The following ORC5 variants were observed in gnomAD, a reference collection of about 807,000 sequenced individuals.
The protein encoded by ORC5 is protein phosphatase 1, regulatory subunit 117.
In ORC5, 39 loss-of-function variants were observed where a neutral mutation model predicts 58.8. The observed-to-expected ratio is 0.66, with a 90% CI of 0.51 to 0.87. ORC5 has a LOEUF of 0.87. Ranked by LOEUF, ORC5 falls within the 40% of genes least tolerant of loss-of-function variation. ORC5 has a pLI of 0.00. For synonymous variants in ORC5, 218 were observed against 177.6 expected (o/e 1.23, Z -1.81); for missense variants, 493 against 506.3 (o/e 0.97, Z 0.25).
At chr7:104,176,303 T>C (rs1799320078) in intron 8 of ORC5, among the ~76,000 whole-genome samples, 1 of 152,204 alleles carries the variant, frequency 6.6e-6, no homozygotes, top group Admixed American at 6.5e-5. Context: ...GTGACTTAAA[T>C]GAACCTTTAA....
intron 8 of ORC5, among the ~76,000 whole-genome samples, chr7:104,176,878 TAATAAGGTATAAGGGTTTGACACA>T (rs1345459729): frequency 6.6e-6 from 1 of 152,222 alleles, no homozygotes; most frequent in African/African-American, 2.4e-5. Flanking sequence ...CAAGAGGTTT[TAATAAGGTATAAGGGTTTGACACA>T]GAAGTACAAA....
chr7:104,129,189 T>C lies in ORC5; in HGVS notation c.1263-2296A>G, dbSNP rs1395827756. 3.3e-5 allele frequency among the ~76,000 whole-genome samples: 5 copies of C among 152,306 alleles called. No homozygotes were observed. Among genetic ancestry groups the C allele is most frequent in the Non-Finnish European group, 4.4e-5 (3 of 68,030 alleles). ...TTGTGATGTCTGTAGGACTTCTCTATTTTTTGAGAAATCTGTTTGTTACTA... is the reference window on the plus strand; with the variant it reads ...TTGTGATGTCTGTAGGACTTCTCTACTTTTTGAGAAATCTGTTTGTTACTA... On this transcript the variant is annotated intron_variant, in intron 13 of 13. Transcript: ENST00000297431. The surrounding 1 kb of genome is among the most constrained non-coding windows in gnomAD (Gnocchi z 4.9).
At chr7:104,130,993 G>C (rs1276547730) in intron 13 of ORC5, among the ~76,000 whole-genome samples, 1 of 152,260 alleles carries the variant, frequency 6.6e-6, no homozygotes, top group Non-Finnish European at 1.5e-5. Context: ...ATGTGATTTC[G>C]ATTATAATTC....
intron 13 of ORC5, among the ~76,000 whole-genome samples, chr7:104,135,391 A>C (rs1170013626): frequency 6.6e-6 from 1 of 152,208 alleles, no homozygotes; most frequent in Admixed American, 6.5e-5. Flanking sequence ...AAAACCCTTG[A>C]ATTCATGTTT....
Position 104,195,105 on chromosome 7 carries a change from C to A in ORC5, c.553+38G>T, listed in dbSNP as rs572819365. On this transcript the variant is annotated intron_variant, in intron 5 of 13. Transcript: ENST00000297431. ...CTTTCAAACAACAAAAACTATTCTC[C>A]TGCATATCATTTGCCAAAACAATGT... 8 of 1,023,350 alleles carry A rather than the reference C, an allele frequency of 7.8e-6. No individual in the cohort carries two copies. In the African/African-American group the frequency reaches 1.3e-4, roughly 17 times the overall value. 63.4% of individuals were successfully genotyped at this position (1,023,350 alleles called of 1,614,324 possible). A position where few individuals can be genotyped will look rare whatever the true frequency, so the allele number is the denominator to read the frequency against.
Position 104,160,764 on chromosome 7 carries a change from T to C in ORC5, c.1149+308A>G, listed in dbSNP as rs375369266. ...TTCATTAAATTACAATTCATCAACTTGGTCATCAAGCCACTTGTTTAATTA... is the reference window on the plus strand; with the variant it reads ...TTCATTAAATTACAATTCATCAACTCGGTCATCAAGCCACTTGTTTAATTA... On this transcript the variant is annotated intron_variant, in intron 12 of 13. Transcript: ENST00000297431. Among the ~76,000 whole-genome samples the C allele has an allele frequency of 2.2e-4, 34 of 152,238 alleles. 1 individual carries two copies. Among genetic ancestry groups the C allele is most frequent in the African/African-American group, 8.2e-4 (34 of 41,568 alleles).
At chr7:104,156,342 G>C (rs1426543417) in intron 12 of ORC5, among the ~76,000 whole-genome samples, 1 of 151,688 alleles carries the variant, frequency 6.6e-6, no homozygotes, top group Admixed American at 6.6e-5. Flanking sequence ...TCACTTACTT[G>C]TGAGACTAAT....
chr7:104,156,746 A>T (rs1424279901), intron 12 of ORC5, among the ~76,000 whole-genome samples: 2 of 151,910 alleles, frequency 1.3e-5, no homozygotes, highest in Non-Finnish European at 2.9e-5. Flanking sequence ...AATAAAAAGC[A>T]ATTTACCTCC....
At chr7:104,180,055 A>C (rs1799403010) in intron 8 of ORC5, among the ~76,000 whole-genome samples, 2 of 152,186 alleles carry the variant, frequency 1.3e-5, no homozygotes, top group Non-Finnish European at 2.9e-5. Context: ...ATGTGTCTGA[A>C]TTATTCCATG....
At position 104,128,279 on chromosome 7, in the gene ORC5, C is replaced by T. The variant is rs531819635; in HGVS notation, c.1263-1386G>A. On this transcript the variant is annotated intron_variant, in intron 13 of 13. Transcript: ENST00000297431. ...CTGAAGGTACAGGCATGTGCCAACA[C>T]GCCTGGCTAATTTTTGTAGTTTTAG... Among the ~76,000 whole-genome samples the T allele has an allele frequency of 8.2e-4, 125 of 152,250 alleles. 1 individual carries two copies. Among genetic ancestry groups the T allele is most frequent in the African/African-American group, 2.9e-3 (120 of 41,544 alleles).
rs992002093 is a variant in ORC5, at chr7:104,129,589, C to T, written c.1263-2696G>A. ...AGGGGCAACATAAAAAACTATGCCACACATCCGAAAGATAATTTTGTGCTT... is the reference window on the plus strand; with the variant it reads ...AGGGGCAACATAAAAAACTATGCCATACATCCGAAAGATAATTTTGTGCTT... On this transcript the variant is annotated intron_variant, in intron 13 of 13. Coordinates refer to ENST00000297431, the MANE Select transcript of ORC5 (RefSeq NM_002553.4). This position sits in a 1 kb window ranked among gnomAD's most constrained non-coding sequence, Gnocchi z 4.9. 3.9e-5 allele frequency among the ~76,000 whole-genome samples: 6 copies of T among 152,158 alleles called. No homozygotes were observed. The highest frequency in any genetic ancestry group is 1.4e-4 in the African/African-American group (6 of 41,444).
chr7:104,127,206 T>C (rs959781733), intron 13 of ORC5, among the ~76,000 whole-genome samples: 3 of 152,212 alleles, frequency 2.0e-5, no homozygotes, highest in Non-Finnish European at 1.5e-5. Flanking sequence ...AGCTATTTGC[T>C]TTGTCTAATA....
intron 3 of ORC5, among the ~76,000 whole-genome samples, chr7:104,199,403 G>T (rs953071768): frequency 2.6e-5 from 4 of 152,174 alleles, no homozygotes; most frequent in Non-Finnish European, 2.9e-5. Context: ...TGTGAGGCAT[G>T]GAGCCACAGA....
intron 8 of ORC5, among the ~76,000 whole-genome samples, chr7:104,179,178 T>G (rs1320979314): frequency 2.7e-5 from 4 of 150,754 alleles, no homozygotes; most frequent in African/African-American, 9.8e-5. Context: ...TGAACTCCCA[T>G]GCTCAAGCAA....
At chr7:104,148,760 A>C (rs1798800032) in intron 12 of ORC5, among the ~76,000 whole-genome samples, 1 of 152,164 alleles carries the variant, frequency 6.6e-6, no homozygotes, top group African/African-American at 2.4e-5. Flanking sequence ...ATATTGGCCA[A>C]TGTTGGCTCA....
chr7:104,141,726 C>G (rs1798676624), intron 12 of ORC5, among the ~76,000 whole-genome samples: 1 of 152,062 alleles, frequency 6.6e-6, no homozygotes, highest in Non-Finnish European at 1.5e-5. Flanking sequence ...CTTACAACAG[C>G]ATCAAAAAGA....
intron 13 of ORC5, among the ~76,000 whole-genome samples, chr7:104,127,488 G>A (rs1798447760): frequency 6.6e-6 from 1 of 152,142 alleles, no homozygotes; most frequent in African/African-American, 2.4e-5. Context: ...ATAGCAGAGA[G>A]AGAGACATAT....
intron 4 of ORC5, among the ~76,000 whole-genome samples, chr7:104,197,413 A>G (rs1271094601): frequency 6.6e-6 from 1 of 152,238 alleles, no homozygotes; most frequent in Non-Finnish European, 1.5e-5. Context: ...AAATGCAAAG[A>G]AAATTTTAAA....
chr7:104,197,573 A>G, intron 4 of ORC5, 152 bp downstream of exon 4: 1 of 520,832 alleles, frequency 1.9e-6, no homozygotes. Flanking sequence ...TTTTACTATG[A>G]AAAAAACACT....
Sources: gnomAD v4.1 joint callset for allele counts (sites outside exome capture counted in the v4.1 genomes callset) on GRCh38, gnomAD v4.1.1 for gene constraint, Gnocchi (gnomAD v3.1) non-coding constraint, MANE v1.5 for transcripts, NCBI Gene and HGNC (gene_info 2026-07-23, HGNC 2026-07-21) for gene names.